Variants in PER2 observed in about 807,000 individuals in gnomAD.
The protein encoded by PER2 is period circadian protein homolog 2.
A neutral mutation model predicts 121.0 loss-of-function variants in PER2; 66 were observed. The observed-to-expected ratio is 0.55, with a 90% CI of 0.45 to 0.67. The LOEUF (loss-of-function observed/expected upper bound fraction) is 0.67, where lower values mean the gene tolerates loss of function less well. Among genes scored for constraint, PER2 ranks in the 30% least tolerant of loss-of-function variants. PER2 has a pLI of 0.00. For synonymous variants in PER2, 684 were observed against 659.9 expected, an observed-to-expected ratio of 1.04 and a Z score of -0.56; for missense variants, 1,521 against 1,635.0, an observed-to-expected ratio of 0.93 and a Z score of 1.20.
intron 1 of PER2, among the ~76,000 whole-genome samples, chr2:238,282,329 C>T (rs1044940870): frequency 3.3e-5 from 5 of 152,184 alleles, no homozygotes; most frequent in Admixed American, 6.5e-5. Context: ...GTGCCTCCAC[C>T]GCCGCTCTGT....
chr2:238,266,954 CAGG>C (rs1696131982), intron 8 of PER2, among the ~76,000 whole-genome samples: 1 of 150,086 alleles, frequency 6.7e-6, no homozygotes. Context: ...GAGGCTGAGG[CAGG>C]AGAATTGTAG....
At chr2:238,256,655 C>T (rs767607135) in intron 17 of PER2, among the ~76,000 whole-genome samples, 1 of 152,190 alleles carries the variant, frequency 6.6e-6, no homozygotes, top group Non-Finnish European at 1.5e-5. Flanking sequence ...TAAGATCTTG[C>T]ACCACAATCA....
chr2:238,259,086 C>A (rs1695848466), intron 14 of PER2, among the ~76,000 whole-genome samples: 2 of 152,186 alleles, frequency 1.3e-5, no homozygotes, highest in African/African-American at 4.8e-5. Context: ...CGACTCTTGC[C>A]CCAACGACAT....
intron 3 of PER2, among the ~76,000 whole-genome samples, chr2:238,276,347 AAG>A (rs1696455085): frequency 6.6e-6 from 1 of 152,250 alleles, no homozygotes; most frequent in Non-Finnish European, 1.5e-5. Context: ...GTTCCTGGTC[AAG>A]AGTCACCGCT....
chr2:238,277,292 A>G, intron 2 of PER2, 99 bp from the exon 3 acceptor site: 1 of 831,324 alleles, frequency 1.2e-6, no homozygotes, highest in East Asian at 2.4e-5. Context: ...AGATAATACC[A>G]TGGTAAGACA....
At chr2:238,280,399 G>C (rs551566082) in intron 1 of PER2, among the ~76,000 whole-genome samples, 2 of 152,298 alleles carry the variant, frequency 1.3e-5, no homozygotes, top group South Asian at 4.1e-4. Context: ...GCCAACACGG[G>C]GCTGTGGAAA....
chr2:238,298,553 C>T, the PER2 span: 28,695 of 152,184 alleles, frequency 0.19, 3,386 homozygotes, highest in Non-Finnish European at 0.26. Context: ...TCTTCCATGG[C>T]TTGTGGGCTA....
intron 2 of PER2, 27 bp downstream of exon 2, chr2:238,277,680 C>T: frequency 6.2e-7 from 1 of 1,613,412 alleles, no homozygotes; most frequent in Non-Finnish European, 8.5e-7. Flanking sequence ...CCTGCCCAGC[C>T]TCCATCTGGC....
At chr2:238,249,970 C>T (rs1695554541) in intron 21 of PER2, among the ~76,000 whole-genome samples, 1 of 152,180 alleles carries the variant, frequency 6.6e-6, no homozygotes, top group Admixed American at 6.5e-5. Context: ...TTCTTTACAG[C>T]AGTGTGGAAA....
chr2:238,282,074 C>T (rs1214399574), intron 1 of PER2, among the ~76,000 whole-genome samples: 3 of 152,164 alleles, frequency 2.0e-5, no homozygotes, highest in Non-Finnish European at 4.4e-5. Context: ...AGCTTACGCC[C>T]GGCCCGTGCT....
rs558459142 is a variant in PER2 at position 238,267,163 on chromosome 2, C to A, written c.967+893G>T. Among the ~76,000 whole-genome samples the A allele has an allele frequency of 1.8e-3, 279 of 152,142 alleles. 1 individual carries two copies. The highest frequency in any genetic ancestry group is 2.3e-3 in the Non-Finnish European group (154 of 68,016). Reference sequence around the variant, plus strand: ...AGCAGTTGCAGAATGCACCTGCCTTCAGAGAATCTGGAGATCATGTGACTC... The same window carrying A: ...AGCAGTTGCAGAATGCACCTGCCTTAAGAGAATCTGGAGATCATGTGACTC... On this transcript the variant is annotated intron_variant, in intron 8 of 22. Transcript: ENST00000254657.
At chr2:238,267,863 G>A (rs1210118124) in intron 8 of PER2, among the ~76,000 whole-genome samples, 193 bp downstream of exon 8, 1 of 152,172 alleles carries the variant, frequency 6.6e-6, no homozygotes, top group Non-Finnish European at 1.5e-5. Flanking sequence ...ATCTGCCATG[G>A]GCAGGGCCGG....
chr2:238,294,550 T>G (rs1230239117), upstream of PER2, among the ~76,000 whole-genome samples: 2 of 152,224 alleles, frequency 1.3e-5, no homozygotes, highest in East Asian at 3.9e-4. Flanking sequence ...GCATCACGCT[T>G]GGCGCTTGGC....
chr2:238,262,044 G>A, intron 11 of PER2, 147 bp downstream of exon 11: 1 of 875,300 alleles, frequency 1.1e-6, no homozygotes, highest in Non-Finnish European at 1.9e-6. Context: ...CTGCCTAGCA[G>A]TCTGGGGCTC....
intron 1 of PER2, among the ~76,000 whole-genome samples, chr2:238,282,052 G>C (rs1426073678): frequency 6.6e-6 from 1 of 152,186 alleles, no homozygotes; most frequent in Non-Finnish European, 1.5e-5. Flanking sequence ...AGCGATCCTG[G>C]TGAAGGGGCT....
chr2:238,257,388 C>A (rs1695795101), intron 16 of PER2, among the ~76,000 whole-genome samples: 1 of 152,224 alleles, frequency 6.6e-6, no homozygotes, highest in African/African-American at 2.4e-5. Context: ...GGGGCTCTTG[C>A]CTGCAGCCAG....
At chr2:238,266,195 G>C (rs112805129) in intron 8 of PER2, among the ~76,000 whole-genome samples, 2 of 151,972 alleles carry the variant, frequency 1.3e-5, no homozygotes, top group African/African-American at 2.4e-5. Context: ...GAGCCACTGC[G>C]CCCGGCCCCA....
In PER2 at chr2:238,246,532, G is replaced by GA. The variant is rs751869619; in HGVS notation, c.3619-9dup. ...TTCACAGTAAACACATTCCTTAAAAGAAAAAAAAAGAGAAATCAGTAACAA... is the reference window on the plus strand; with the variant it reads ...TTCACAGTAAACACATTCCTTAAAAGAAAAAAAAAAGAGAAATCAGTAACAA... On this transcript the variant is annotated splice_polypyrimidine_tract_variant and intron_variant, in intron 22 of 22. Coordinates refer to ENST00000254657, the MANE Select transcript of PER2 (RefSeq NM_022817.3). 1,407 of 1,495,696 alleles carry GA rather than the reference G, an allele frequency of 9.4e-4. No homozygotes were observed. Among genetic ancestry groups the GA allele is most frequent in the Non-Finnish European group, 1.1e-3 (1,186 of 1,084,256 alleles). 92.7% of individuals were successfully genotyped at this position (1,495,696 alleles called of 1,614,324 possible).
upstream of PER2, among the ~76,000 whole-genome samples, chr2:238,294,579 T>C (rs182437644): frequency 6.6e-6 from 1 of 152,326 alleles, no homozygotes; most frequent in East Asian, 1.9e-4. Flanking sequence ...TCTTCTTTCA[T>C]CCTCACCACT....
Sources: allele counts gnomAD v4.1 joint callset (sites outside exome capture counted in the v4.1 genomes callset), GRCh38; gene constraint gnomAD v4.1.1; transcripts MANE v1.5; gene names NCBI Gene and HGNC (gene_info 2026-07-23, HGNC 2026-07-21).